The following ANKRD30A variants were observed in gnomAD, a reference collection of about 807,000 sequenced individuals.
ANKRD30A encodes ankyrin repeat domain-containing protein 30A.
In ANKRD30A, 170 loss-of-function variants were observed where a neutral mutation model predicts 166.3. The ratio of observed to expected loss-of-function variants is 1.02; its 90% confidence interval spans 0.90 to 1.16. The LOEUF is 1.16. Among genes scored for constraint, ANKRD30A ranks in the 50% most tolerant of loss-of-function variants. ANKRD30A has a pLI of 0.00. For synonymous variants in ANKRD30A, 564 were observed against 508.9 expected, an observed-to-expected ratio of 1.11 and a Z score of -1.46; for missense variants, 1,630 against 1,518.0, an observed-to-expected ratio of 1.07 and a Z score of -1.23.
At chr10:37,247,027 T>C in the ANKRD30A span, among the ~76,000 whole-genome samples, 4 of 152,142 alleles carry the variant, frequency 2.6e-5, no homozygotes, top group African/African-American at 4.8e-5. Flanking sequence ...TCCTAGAACG[T>C]TCCTCTGTCA....
the ANKRD30A span, among the ~76,000 whole-genome samples, chr10:37,238,883 A>G: frequency 6.6e-6 from 1 of 152,066 alleles, no homozygotes; most frequent in African/African-American, 2.4e-5. Context: ...GTATTGTCAC[A>G]TTATTAAATT....
chr10:37,261,925 G>A, the ANKRD30A span: 6,656 of 153,198 alleles, frequency 0.043, 219 homozygotes, highest in South Asian at 0.063. Flanking sequence ...TTGTTTACAC[G>A]GTAAGTTTAT....
intron 27 of ANKRD30A, among the ~76,000 whole-genome samples, chr10:37,195,688 A>T (rs1319613858): frequency 1.3e-5 from 2 of 152,174 alleles, no homozygotes; most frequent in African/African-American, 4.8e-5. Flanking sequence ...AGGTGAGGAG[A>T]TCGAGACCAT....
the ANKRD30A span, among the ~76,000 whole-genome samples, chr10:37,244,135 C>T: frequency 6.6e-6 from 1 of 152,288 alleles, no homozygotes; most frequent in Non-Finnish European, 1.5e-5. Flanking sequence ...ATGGCAGGAG[C>T]TTCTCCTGGC....
At chr10:37,166,848 C>A (rs1839389907) in intron 19 of ANKRD30A, among the ~76,000 whole-genome samples, 153 bp downstream of exon 19, 1 of 151,926 alleles carries the variant, frequency 6.6e-6, no homozygotes, top group African/African-American at 2.4e-5. Context: ...TGTGTCTCAT[C>A]AGGTGATGGC....
intron 30 of ANKRD30A, 58 bp from the exon 31 acceptor site, chr10:37,201,176 AT>A (rs1191144439): frequency 1.5e-6 from 2 of 1,330,682 alleles, no homozygotes; most frequent in African/African-American, 3.1e-5. Flanking sequence ...GGAAATTTTG[AT>A]AATCTTCATT....
At chr10:37,247,145 A>G in the ANKRD30A span, among the ~76,000 whole-genome samples, 7 of 152,338 alleles carry the variant, frequency 4.6e-5, no homozygotes, top group African/African-American at 1.2e-4. Flanking sequence ...CAATAAGCTG[A>G]GCAGAGGGGG....
At chr10:37,126,324 A>G (rs1217720807) in intron 1 of ANKRD30A, among the ~76,000 whole-genome samples, 2 of 152,226 alleles carry the variant, frequency 1.3e-5, no homozygotes, top group Non-Finnish European at 2.9e-5. Flanking sequence ...GATTTAACTC[A>G]CAAAATTAAG....
chr10:37,161,049 C>T lies in ANKRD30A; in HGVS notation c.1901-1600C>T, dbSNP rs188805667. Among the ~76,000 whole-genome samples the T allele has an allele frequency of 3.0e-3, 455 of 152,240 alleles. 2 individuals carry two copies. Among genetic ancestry groups the T allele is most frequent in the African/African-American group, 0.01 (435 of 41,544 alleles). On this transcript the variant is annotated intron_variant, in intron 15 of 35. Transcript: ENST00000361713. ...CTGGCAGATCACGAGGTTAGGAGAT[C>T]GAGACCATCCTGACTAACAAGGCGA...
downstream of ANKRD30A, among the ~76,000 whole-genome samples, chr10:37,235,949 T>C (rs1341220800): frequency 2.0e-5 from 3 of 151,952 alleles, no homozygotes; most frequent in Non-Finnish European, 4.4e-5. Context: ...TTTTTATTTA[T>C]AGTAGAGACG....
chr10:37,144,072 C>T (rs1837343081), intron 7 of ANKRD30A, among the ~76,000 whole-genome samples: 1 of 152,020 alleles, frequency 6.6e-6, no homozygotes, highest in Non-Finnish European at 1.5e-5. Context: ...ATTTCTTTTA[C>T]TGAATTTTTT....
the ANKRD30A span, among the ~76,000 whole-genome samples, chr10:37,242,723 G>T: frequency 3.3e-5 from 5 of 152,162 alleles, no homozygotes; most frequent in Non-Finnish European, 7.3e-5. Context: ...AGAACCATGA[G>T]AAATCACCTT....
intron 8 of ANKRD30A, among the ~76,000 whole-genome samples, chr10:37,146,579 C>T (rs1484033952): frequency 6.6e-6 from 1 of 152,146 alleles, no homozygotes; most frequent in East Asian, 1.9e-4. Flanking sequence ...CTGAGGGCGT[C>T]TGAGTGGCTT....
intron 15 of ANKRD30A, 48 bp from the exon 16 acceptor site, chr10:37,162,601 C>A (rs772183963): frequency 6.2e-7 from 1 of 1,605,764 alleles, no homozygotes; most frequent in Non-Finnish European, 8.5e-7. Flanking sequence ...TTGTGGTTGG[C>A]TTGTCATATT....
rs751991070 is a variant in ANKRD30A at position 37,132,255 on chromosome 10, C to G, written c.526C>G (p.Leu176Val). 37 of 1,594,250 alleles carry G rather than the reference C, an allele frequency of 2.3e-5. No individual in the cohort carries two copies. The highest frequency in any genetic ancestry group is 1.8e-4 in the Admixed American group (10 of 56,278). ...EVHNKASLTP[L>V]LLSITKRSEQ... ...TATTTTACAGGCTAGCCTCACACCA[C>G]TTTTACTATCCATAACGAAAAGAAG... The change falls in exon 4 of 36, where the codon CTT (leucine) becomes GTT (valine). Residue 176 changes from leucine (L) to valine (V), a missense_variant. Coordinates refer to ENST00000361713, the MANE Select transcript of ANKRD30A (RefSeq NM_052997.3).
chr10:37,222,975 A>C (rs955511214), intron 34 of ANKRD30A, among the ~76,000 whole-genome samples: 1 of 151,510 alleles, frequency 6.6e-6, no homozygotes, highest in South Asian at 2.1e-4. Flanking sequence ...TAAATATATT[A>C]TACTGATAAT....
chr10:37,179,440 T>C (rs1320411164), intron 24 of ANKRD30A, among the ~76,000 whole-genome samples: 1 of 151,082 alleles, frequency 6.6e-6, no homozygotes, highest in Non-Finnish European at 1.5e-5. Flanking sequence ...TTAAGAGATA[T>C]TGAGATGACT....
the ANKRD30A span, chr10:37,262,019 A>G: frequency 6.5e-6 from 1 of 152,732 alleles, no homozygotes; most frequent in Non-Finnish European, 1.5e-5. Flanking sequence ...CCTTGTTATC[A>G]TTCCTTATTT....
intron 24 of ANKRD30A, among the ~76,000 whole-genome samples, chr10:37,179,144 T>C (rs1208306234): frequency 1.3e-5 from 2 of 150,510 alleles, no homozygotes; most frequent in East Asian, 3.9e-4. Context: ...GGCTTTATTT[T>C]TAAGGAAGCA....
Sources: allele counts gnomAD v4.1 joint callset (sites outside exome capture counted in the v4.1 genomes callset), GRCh38; gene constraint gnomAD v4.1.1; transcripts MANE v1.5; gene names NCBI Gene and HGNC (gene_info 2026-07-23, HGNC 2026-07-21).